SNX21: variants seen among roughly 807,000 people sequenced by gnomAD.
SNX21 encodes sorting nexin-21.
In SNX21, 36 loss-of-function variants were observed where a neutral mutation model predicts 30.9. The observed-to-expected ratio is 1.16, with a 90% CI of 0.89 to 1.54. The LOEUF (loss-of-function observed/expected upper bound fraction) is 1.54. Ranked by LOEUF, SNX21 falls within the 40% of genes most tolerant of loss-of-function variation. The pLI is 0.00. For synonymous variants in SNX21, 218 were observed against 222.7 expected (o/e 0.98, Z 0.19); for missense variants, 508 against 516.5 (o/e 0.98, Z 0.16).
At position 45,842,704 on chromosome 20, in the gene SNX21, T is replaced by A. The variant is rs1190540616; in HGVS notation, c.*1391T>A. 1.0e-6 allele frequency: 1 copy of A among 989,098 alleles called. No individual in the cohort carries two copies. Among genetic ancestry groups the A allele is most frequent in the Non-Finnish European group, 1.2e-6 (1 of 832,260 alleles). The allele number at this position is 989,098 out of a possible 1,614,324, so 61.3% of individuals were successfully genotyped here. A position where few individuals can be genotyped will look rare whatever the true frequency, so the allele number is the denominator to read the frequency against. ...ATGAAGCAGTTATGTGTTGTCCAGTTTTCCAGACCAGGACTGAAATCCAGA... is the reference window on the plus strand; with the variant it reads ...ATGAAGCAGTTATGTGTTGTCCAGTATTCCAGACCAGGACTGAAATCCAGA... On this transcript the variant is annotated 3_prime_UTR_variant, in exon 4 of 4. Coordinates refer to ENST00000491381, the MANE Select transcript of SNX21 (RefSeq NM_033421.4).
rs73308468 is a variant in SNX21 at position 45,841,829 on chromosome 20, T to C, written c.*516T>C. ...TTCTTGAAGCCCCAGGCGAAGCTGG[T>C]ACCTCTGGCTACAGCTTGCTCTCTG... is the stretch of plus-strand genomic sequence containing the variant. On this transcript the variant is annotated 3_prime_UTR_variant, in exon 4 of 4. Transcript: ENST00000491381. 1.7e-3 allele frequency: 2,743 copies of C among 1,594,870 alleles called. 36 individuals carry two copies. The African/African-American group carries it at 0.033, about 19-fold the overall frequency.
chr20:45,842,138 A>G lies in SNX21; in HGVS notation c.*825A>G. 6 of 1,528,934 alleles carry G rather than the reference A, an allele frequency of 3.9e-6. No individual in the cohort carries two copies. Among genetic ancestry groups the G allele is most frequent in the Non-Finnish European group, 5.2e-6 (6 of 1,144,318 alleles). The allele number at this position is 1,528,934 out of a possible 1,614,324, so 94.7% of individuals were successfully genotyped here. ...TTACAGGCGCACATCACCATGCCCA[A>G]CCTCCAAGTGGACTTCTTGCAAAGG... is the stretch of plus-strand genomic sequence containing the variant. On this transcript the variant is annotated 3_prime_UTR_variant, in exon 4 of 4. Transcript: ENST00000491381.
rs453287 is a variant in SNX21, at chr20:45,840,743, G to C, written c.552G>C (p.Arg184=). The C allele has an allele frequency of 0.013, 20,872 of 1,614,122 alleles. 2,290 individuals are homozygous for C. The African/African-American group carries it at 0.24, about 19-fold the overall frequency. Residue 184 remains arginine, a synonymous_variant, in exon 4 of 4, where the codon CGG becomes CGC. Coordinates refer to ENST00000491381, the MANE Select transcript of SNX21 (RefSeq NM_033421.4). ...AGCGGCTGCACCGAAACCTGCAGCGGCAATTCCGGGGCCCAATGGCTGCCA... is the reference window on the plus strand; with the variant it reads ...AGCGGCTGCACCGAAACCTGCAGCGCCAATTCCGGGGCCCAATGGCTGCCA... ...DFERLHRNLQ[R]QFRGPMAAIS...
At position 45,834,336 on chromosome 20, in the gene SNX21, C is replaced by A; in HGVS notation, c.157C>A (p.Leu53Met). 1 of 1,599,694 alleles carries A rather than the reference C, an allele frequency of 6.3e-7. No individual in the cohort carries two copies. The stretch of plus-strand genomic sequence containing the variant: ...GCTGGAGGACGACGACGCCGAGGGC[C>A]TGTCCTCCCGACTCAGCGGCACCCT... ...SELEDDDAEG[L>M]SSRLSGTLSF... Residue 53 changes from leucine (L) to methionine (M), a missense_variant, in exon 2 of 4, where the codon CTG (leucine) becomes ATG (methionine). Transcript: ENST00000491381.
At position 45,843,147 on chromosome 20, in the gene SNX21, A is replaced by C; in HGVS notation, c.*1834A>C. ...AATCTATTTTGAAAAGGCATCCCCA[A>C]ATGGCAGTCTGATGGACTGCGGGTT... On this transcript the variant is annotated 3_prime_UTR_variant, in exon 4 of 4. Coordinates refer to ENST00000491381, the MANE Select transcript of SNX21 (RefSeq NM_033421.4). 1.3e-6 allele frequency: 1 copy of C among 754,764 alleles called. No individual in the cohort carries two copies. Among genetic ancestry groups the C allele is most frequent in the Non-Finnish European group, 1.8e-6 (1 of 546,426 alleles). 46.8% of individuals were successfully genotyped at this position (754,764 alleles called of 1,614,324 possible).
chr20:45,834,070 C>A, intron 1 of SNX21, 130 bp downstream of exon 1: 1 of 1,400,866 alleles, frequency 7.1e-7, no homozygotes, highest in South Asian at 1.5e-5. Flanking sequence ...CGCAAGACCT[C>A]GGACTGCCAG....
At chr20:45,838,705 G>A (rs1983751657) in intron 3 of SNX21, among the ~76,000 whole-genome samples, 1 of 151,966 alleles carries the variant, frequency 6.6e-6, no homozygotes, top group Admixed American at 6.6e-5. Context: ...AGTGAGCGGA[G>A]ATTGTGCCAC....
At position 45,842,046 on chromosome 20, in the gene SNX21, T is replaced by TG; in HGVS notation, c.*734dup. On this transcript the variant is annotated 3_prime_UTR_variant, in exon 4 of 4. Coordinates refer to ENST00000491381, the MANE Select transcript of SNX21 (RefSeq NM_033421.4). ...TTCCTGAAACAGAGTCTCACTAAGT[T>TG]GCCAGGCTGGTCTCAAGCGCCTGGG... 6.4e-7 allele frequency: 1 copy of TG among 1,551,294 alleles called. No individual in the cohort carries two copies. The highest frequency in any genetic ancestry group is 8.7e-7 in the Non-Finnish European group (1 of 1,150,246).
In SNX21 at chr20:45,841,233, C is replaced by T. The variant is rs1222109289; in HGVS notation, c.1042C>T (p.Gln348Ter). Residue 348 changes from glutamine to a stop codon, truncating the protein, a stop_gained, in exon 4 of 4, where the codon CAA (glutamine) becomes TAA (stop). Transcript: ENST00000491381. LOFTEE classifies it high-confidence loss of function. ...LDKRQSEARLQALQEAGLTPT... is the reference protein window; with the variant it reads ...LDKRQSEARL ...CAAACGTCAATCAGAGGCTCGGCTC[C>T]AAGCCCTGCAGGAGGCAGGCCTTAC... 2 of 1,612,918 alleles carry T rather than the reference C, an allele frequency of 1.2e-6. No homozygotes were observed. The highest frequency in any genetic ancestry group is 8.5e-7 in the Non-Finnish European group (1 of 1,179,592).
rs1984117336 is a variant in SNX21 at position 45,841,459 on chromosome 20, G to A, written c.*146G>A. ...CAAAAGAGAATGTGAAGCAGATCAA[G>A]GAAACTTCTGTTGAGCTAGGCTCAG... On this transcript the variant is annotated 3_prime_UTR_variant, in exon 4 of 4. Transcript: ENST00000491381. The A allele has an allele frequency of 1.4e-6, 2 of 1,420,670 alleles. No homozygotes were observed. The highest frequency in any genetic ancestry group is 2.9e-5 in the African/African-American group (2 of 69,220). 88.0% of individuals were successfully genotyped at this position (1,420,670 alleles called of 1,614,324 possible).
chr20:45,835,850 A>G (rs1283139558), intron 3 of SNX21, among the ~76,000 whole-genome samples: 1 of 152,156 alleles, frequency 6.6e-6, no homozygotes, highest in Non-Finnish European at 1.5e-5. Flanking sequence ...ATGAAGAGCA[A>G]TGTTGGGGAG....
chr20:45,834,897 G>C (rs1373431163), intron 2 of SNX21, 62 bp from the exon 3 acceptor site: 1 of 1,566,902 alleles, frequency 6.4e-7, no homozygotes, highest in Admixed American at 1.8e-5. Context: ...GTGAGGCCAC[G>C]TCAGTGGTTG....
chr20:45,838,479 C>T (rs765432820), intron 3 of SNX21: 7 of 151,726 alleles, frequency 4.6e-5, no homozygotes, highest in South Asian at 2.1e-4. Context: ...AAAGGTGAGG[C>T]ACGGTGGCTC....
rs1983307358 is a variant in SNX21 at position 45,834,338 on chromosome 20, G to A, written c.159G>A (p.Leu53=). 6.3e-7 allele frequency: 1 copy of A among 1,599,852 alleles called. No homozygotes were observed. The highest frequency in any genetic ancestry group is 1.7e-4 in the Middle Eastern group (1 of 6,060). Residue 53 remains leucine, a synonymous_variant, in exon 2 of 4, where the codon CTG becomes CTA. Transcript: ENST00000491381. ...TGGAGGACGACGACGCCGAGGGCCT[G>A]TCCTCCCGACTCAGCGGCACCCTCA... ...SELEDDDAEG[L]SSRLSGTLSF...
At chr20:45,839,375 G>A (rs1158423256) in intron 3 of SNX21, among the ~76,000 whole-genome samples, 1 of 152,016 alleles carries the variant, frequency 6.6e-6, no homozygotes, top group East Asian at 1.9e-4. Flanking sequence ...AATTAGCCGG[G>A]CGTAGTGGCA....
At chr20:45,840,246 T>G (rs1983931830) in intron 3 of SNX21, 2 of 1,444,906 alleles carry the variant, frequency 1.4e-6, no homozygotes, top group Non-Finnish European at 1.8e-6. Context: ...GTGTCCAAAG[T>G]GGAACAAGCT....
chr20:45,834,050 TC>T (rs1158295716), intron 1 of SNX21, 110 bp downstream of exon 1: 1 of 1,410,388 alleles, frequency 7.1e-7, no homozygotes. Context: ...GCTGGCTGGG[TC>T]CCCTGGTTCG....
rs568528237 is a variant in SNX21, at chr20:45,836,825, G to A, written c.447+1709G>A. On this transcript the variant is annotated intron_variant, in intron 3 of 3. Transcript: ENST00000491381. ...AGAGCAGGATGGCCAAGTATGCCCC[G>A]GCCTGTGTCTGGAGAAGCAAGGCAC... 2.1e-4 allele frequency among the ~76,000 whole-genome samples: 32 copies of A among 152,256 alleles called. No homozygotes were observed. The South Asian group carries it at 4.4e-3, about 21-fold the overall frequency.
At position 45,842,064 on chromosome 20, in the gene SNX21, C is replaced by G. The variant is rs577482788; in HGVS notation, c.*751C>G. On this transcript the variant is annotated 3_prime_UTR_variant, in exon 4 of 4. Coordinates refer to ENST00000491381, the MANE Select transcript of SNX21 (RefSeq NM_033421.4). ...ACTAAGTTGCCAGGCTGGTCTCAAGCGCCTGGGTTCAAGGGATCCTCCCGC... is the reference window on the plus strand; with the variant it reads ...ACTAAGTTGCCAGGCTGGTCTCAAGGGCCTGGGTTCAAGGGATCCTCCCGC... 6.5e-6 allele frequency: 10 copies of G among 1,542,692 alleles called. No homozygotes were observed. The highest frequency in any genetic ancestry group is 4.4e-6 in the Non-Finnish European group (5 of 1,147,516).
Sources: gnomAD v4.1 joint callset for allele counts (sites outside exome capture counted in the v4.1 genomes callset) on GRCh38, gnomAD v4.1.1 for gene constraint, MANE v1.5 for transcripts, NCBI Gene and HGNC (gene_info 2026-07-23, HGNC 2026-07-21) for gene names.